The following DEUP1 variants were observed in gnomAD, a reference collection of about 807,000 sequenced individuals.
The protein encoded by DEUP1 is deuterosome assembly protein 1.
Under a neutral mutation model 87.4 loss-of-function variants are expected in DEUP1, and 82 were observed. The observed-to-expected ratio is 0.94, with a 90% confidence interval of 0.78 to 1.13. DEUP1 has a LOEUF of 1.13. Among genes scored for constraint, DEUP1 ranks in the 50% most tolerant of loss-of-function variants. The pLI, the probability that DEUP1 is intolerant of heterozygous loss-of-function variation, is 0.00. For synonymous variants in DEUP1, 214 were observed against 222.7 expected (o/e 0.96, Z 0.35); for missense variants, 663 against 681.5 (o/e 0.97, Z 0.30).
At chr11:93,428,208 A>G (rs1409601317) in intron 13 of DEUP1, among the ~76,000 whole-genome samples, 1 of 152,154 alleles carries the variant, frequency 6.6e-6, no homozygotes, top group East Asian at 1.9e-4. Flanking sequence ...ATGTCCAACA[A>G]TGATAGACTG....
At chr11:93,431,632 A>G (rs1379636786) in intron 13 of DEUP1, among the ~76,000 whole-genome samples, 2 of 152,166 alleles carry the variant, frequency 1.3e-5, no homozygotes, top group African/African-American at 4.8e-5. Context: ...ATAAAGAATA[A>G]ATTATAGAGG....
chr11:93,379,767 G>A (rs1245549671), intron 7 of DEUP1, among the ~76,000 whole-genome samples: 3 of 147,858 alleles, frequency 2.0e-5, no homozygotes, highest in African/African-American at 7.4e-5. Flanking sequence ...CACCTGAGAA[G>A]GCTCTGTGGG....
intron 13 of DEUP1, among the ~76,000 whole-genome samples, chr11:93,435,718 C>T (rs905531423): frequency 6.6e-6 from 1 of 152,100 alleles, no homozygotes; most frequent in African/African-American, 2.4e-5. Context: ...ATTTTTTCAC[C>T]AGGCATGGTG....
chr11:93,370,949 CT>C (rs1319893298), intron 6 of DEUP1, 88 bp from the exon 7 acceptor site: 2 of 1,134,928 alleles, frequency 1.8e-6, no homozygotes, highest in East Asian at 5.0e-5. Flanking sequence ...AAAGATATTC[CT>C]ACTAATTCTT....
intron 11 of DEUP1, among the ~76,000 whole-genome samples, chr11:93,404,455 A>T (rs973772933): frequency 7.2e-5 from 11 of 152,058 alleles, no homozygotes; most frequent in Non-Finnish European, 1.0e-4. Context: ...AGTTTTCTAA[A>T]TAAAATAGTA....
chr11:93,368,954 A>T (rs937412716), intron 5 of DEUP1, among the ~76,000 whole-genome samples: 2 of 151,940 alleles, frequency 1.3e-5, no homozygotes, highest in African/African-American at 4.8e-5. Context: ...GAAAAAAGAA[A>T]AAAAAGAAAC....
At chr11:93,411,514 T>G (rs1947436228) in intron 12 of DEUP1, among the ~76,000 whole-genome samples, 1 of 152,208 alleles carries the variant, frequency 6.6e-6, no homozygotes, top group South Asian at 2.1e-4. Flanking sequence ...TGAAGCATTT[T>G]AGGATATTCT....
At chr11:93,401,276 T>C (rs922511930) in intron 11 of DEUP1, among the ~76,000 whole-genome samples, 3 of 152,086 alleles carry the variant, frequency 2.0e-5, no homozygotes, top group Non-Finnish European at 4.4e-5. Context: ...TATATATCTC[T>C]GATGAAAGAA....
At chr11:93,378,247 C>A (rs577649153) in intron 7 of DEUP1, among the ~76,000 whole-genome samples, 2 of 152,254 alleles carry the variant, frequency 1.3e-5, no homozygotes, top group East Asian at 3.9e-4. Context: ...ACCAATTATT[C>A]TCAGGTTTGG....
intron 11 of DEUP1, among the ~76,000 whole-genome samples, chr11:93,403,323 T>C (rs1353305625): frequency 6.6e-6 from 1 of 151,930 alleles, no homozygotes; most frequent in East Asian, 1.9e-4. Context: ...GCTGTGAAAC[T>C]GGACCTGGTA....
intron 4 of DEUP1, 65 bp downstream of exon 4, chr11:93,357,108 G>C (rs1299621252): frequency 4.1e-6 from 4 of 971,452 alleles, no homozygotes; most frequent in Non-Finnish European, 6.1e-6. Context: ...CTGTAGAGTT[G>C]TGTTAACTTT....
intron 11 of DEUP1, 103 bp from the exon 12 acceptor site, chr11:93,408,128 C>T: frequency 1.2e-6 from 1 of 810,274 alleles, no homozygotes; most frequent in Admixed American, 3.4e-5. Flanking sequence ...CATCACTTGG[C>T]TCAAATGAAA....
At position 93,355,420 on chromosome 11, in the gene DEUP1, A is replaced by T; in HGVS notation, c.79A>T (p.Ile27Phe). 1.2e-6 allele frequency: 2 copies of T among 1,613,830 alleles called. No individual in the cohort carries two copies. The highest frequency in any genetic ancestry group is 2.2e-5 in the East Asian group (1 of 44,822). ...ELQELMEQID[I>F]MVSNKKMDWE... Reference sequence around the variant, plus strand: ...TCAGGAATTAATGGAACAAATTGACATCATGGTAAGCAACAAGAAAATGGA... The same window carrying T: ...TCAGGAATTAATGGAACAAATTGACTTCATGGTAAGCAACAAGAAAATGGA... The change falls in exon 3 of 14, where the codon ATC becomes TTC. Residue 27 changes from isoleucine to phenylalanine, a missense_variant. Coordinates refer to ENST00000298050, the MANE Select transcript of DEUP1 (RefSeq NM_181645.4).
At chr11:93,356,254 A>G (rs1944889047) in intron 3 of DEUP1, among the ~76,000 whole-genome samples, 1 of 147,734 alleles carries the variant, frequency 6.8e-6, no homozygotes, top group South Asian at 2.1e-4. Flanking sequence ...CCATTTTTCT[A>G]CCTTTATTGA....
chr11:93,398,125 T>C (rs1946997598), intron 11 of DEUP1, among the ~76,000 whole-genome samples: 1 of 152,148 alleles, frequency 6.6e-6, no homozygotes, highest in African/African-American at 2.4e-5. Flanking sequence ...ATATAGTACC[T>C]ATTTGGGGAT....
chr11:93,396,652 C>T (rs948516474), intron 11 of DEUP1, among the ~76,000 whole-genome samples: 18 of 152,176 alleles, frequency 1.2e-4, no homozygotes, highest in African/African-American at 4.3e-4. Flanking sequence ...GCCAATCTTC[C>T]CCTCAACGAA....
chr11:93,370,267 A>G (rs1945652750), intron 6 of DEUP1, 81 bp downstream of exon 6: 1 of 728,436 alleles, frequency 1.4e-6, no homozygotes, highest in Admixed American at 3.2e-5. Context: ...TAATCTATTT[A>G]CAAACAGACA....
chr11:93,411,819 G>GCA (rs1947443898), intron 12 of DEUP1, among the ~76,000 whole-genome samples: 2 of 152,196 alleles, frequency 1.3e-5, no homozygotes, highest in South Asian at 4.2e-4. Flanking sequence ...ACAGATTTTA[G>GCA]CAGTCAAACA....
chr11:93,336,395 CAG>C (rs1404837017), intron 2 of DEUP1, among the ~76,000 whole-genome samples: 1 of 132,760 alleles, frequency 7.5e-6, no homozygotes, highest in Non-Finnish European at 1.8e-5. Context: ...GTTAGGGACA[CAG>C]AGCCAACCAT....
Sources: gnomAD v4.1 joint callset for allele counts (sites outside exome capture counted in the v4.1 genomes callset) on GRCh38, gnomAD v4.1.1 for gene constraint, MANE v1.5 for transcripts, NCBI Gene and HGNC (gene_info 2026-07-23, HGNC 2026-07-21) for gene names.